ETV6: variants seen among roughly 807,000 people sequenced by gnomAD.
ETV6 encodes transcription factor ETV6.
Under a neutral mutation model 51.1 loss-of-function variants are expected in ETV6, and 16 were observed. The ratio of observed to expected loss-of-function variants is 0.31; its 90% CI spans 0.21 to 0.48. The LOEUF is 0.48. ETV6 is among the 20% of genes least tolerant of loss of function. The probability of loss-of-function intolerance (pLI) is 0.99; values close to 1 mark genes in which losing one functional copy is unlikely to be tolerated. For missense variants in ETV6, 458 were observed against 594.8 expected, an observed-to-expected ratio of 0.77 and a Z score of 2.39; for synonymous variants, 240 against 224.1, an observed-to-expected ratio of 1.07 and a Z score of -0.64.
At chr12:11,795,406 CCAG>C (rs2136393768) in intron 2 of ETV6, among the ~76,000 whole-genome samples, 1 of 152,354 alleles carries the variant, frequency 6.6e-6, no homozygotes, top group African/African-American at 2.4e-5. Context: ...GCAAAGAGCA[CCAG>C]CTGTTCTGGC....
intron 2 of ETV6, among the ~76,000 whole-genome samples, chr12:11,765,157 C>T (rs1392570786): frequency 1.3e-5 from 2 of 152,180 alleles, no homozygotes; most frequent in Non-Finnish European, 2.9e-5. Context: ...CTACCACAAC[C>T]CAAAACTTCA....
chr12:11,801,883 T>C (rs1945754693), intron 2 of ETV6, among the ~76,000 whole-genome samples: 1 of 152,212 alleles, frequency 6.6e-6, no homozygotes, highest in Admixed American at 6.5e-5. Context: ...AGAAGTAAGA[T>C]AACATCTTTG....
At chr12:11,701,229 C>T (rs978445283) in intron 1 of ETV6, among the ~76,000 whole-genome samples, 11 of 152,128 alleles carry the variant, frequency 7.2e-5, no homozygotes. Context: ...TCAGCGCTCT[C>T]CAGAACTTTT....
intron 4 of ETV6, among the ~76,000 whole-genome samples, chr12:11,865,252 A>G (rs1946775959): frequency 7.1e-6 from 1 of 141,124 alleles, no homozygotes; most frequent in Admixed American, 6.9e-5. Flanking sequence ...CTCCGTCTCA[A>G]AAAAAAAAAA....
At chr12:11,788,311 A>G (rs897668727) in intron 2 of ETV6, among the ~76,000 whole-genome samples, 1 of 152,126 alleles carries the variant, frequency 6.6e-6, no homozygotes, top group African/African-American at 2.4e-5. Context: ...CTAATATTTC[A>G]CCCACAAATT....
chr12:11,746,421 A>G, intron 1 of ETV6, among the ~76,000 whole-genome samples: 1 of 152,176 alleles, frequency 6.6e-6, no homozygotes, highest in South Asian at 2.1e-4. Flanking sequence ...GTGAGGCTGA[A>G]ATAAAATAAA....
At chr12:11,800,914 T>C (rs1945739106) in intron 2 of ETV6, among the ~76,000 whole-genome samples, 1 of 152,198 alleles carries the variant, frequency 6.6e-6, no homozygotes, top group South Asian at 2.1e-4. Flanking sequence ...CTGTCTCATA[T>C]TTTTAAAACA....
intron 1 of ETV6, among the ~76,000 whole-genome samples, chr12:11,726,192 G>T (rs946863380): frequency 3.9e-5 from 6 of 152,184 alleles, no homozygotes; most frequent in African/African-American, 1.4e-4. Flanking sequence ...CTTGGCTCAT[G>T]AGAATTCTTA....
intron 1 of ETV6, among the ~76,000 whole-genome samples, chr12:11,672,906 C>A (rs1325081358): frequency 6.6e-6 from 1 of 152,170 alleles, no homozygotes; most frequent in East Asian, 1.9e-4. Flanking sequence ...CTGTGGGAAA[C>A]CCTGAATTAG....
chr12:11,863,508 C>T (rs921498217), intron 4 of ETV6, among the ~76,000 whole-genome samples: 2 of 152,182 alleles, frequency 1.3e-5, no homozygotes, highest in Non-Finnish European at 2.9e-5. Flanking sequence ...TTATGTCTGG[C>T]TTTCCCTCCC....
chr12:11,695,705 C>A (rs1214980089), intron 1 of ETV6, among the ~76,000 whole-genome samples: 3 of 152,150 alleles, frequency 2.0e-5, no homozygotes, highest in Admixed American at 1.3e-4. Flanking sequence ...TTTGTGTTCT[C>A]CAGGCGCCTC....
intron 1 of ETV6, among the ~76,000 whole-genome samples, chr12:11,680,059 G>T (rs1864497866): frequency 6.6e-6 from 1 of 152,170 alleles, no homozygotes; most frequent in African/African-American, 2.4e-5. Context: ...GAGACATCCA[G>T]CTTGATAGTT....
intron 2 of ETV6, among the ~76,000 whole-genome samples, chr12:11,763,107 C>A (rs1945114310): frequency 6.6e-6 from 1 of 152,160 alleles, no homozygotes; most frequent in African/African-American, 2.4e-5. Context: ...TAGATATGAA[C>A]AAAGTCGGGG....
chr12:11,867,238 CT>C, intron 4 of ETV6, among the ~76,000 whole-genome samples: 1 of 152,286 alleles, frequency 6.6e-6, no homozygotes, highest in East Asian at 1.9e-4. Context: ...GAAATTGCCC[CT>C]TTCCTTGTTT....
Position 11,869,785 on chromosome 12 carries a change from C to T in ETV6, c.825C>T (p.His275=), listed in dbSNP as rs1297782661. 4.3e-6 allele frequency: 7 copies of T among 1,613,316 alleles called. No individual in the cohort carries two copies. Among genetic ancestry groups the T allele is most frequent in the Non-Finnish European group, 5.9e-6 (7 of 1,180,026 alleles). Residue 275 remains histidine, a synonymous_variant, in exon 5 of 8, where the codon CAC becomes CAT. Coordinates refer to ENST00000396373, the MANE Select transcript of ETV6 (RefSeq NM_001987.5). The surrounding 1 kb of genome is among the most constrained non-coding windows in gnomAD (Gnocchi z 5.0). ...VIQLMPSPIM[H]PLILNPRHSV... ...AGCTGATGCCCAGCCCCATCATGCACCCTCTGATCCTGAACCCCCGGCACT... is the reference window on the plus strand; with the variant it reads ...AGCTGATGCCCAGCCCCATCATGCATCCTCTGATCCTGAACCCCCGGCACT...
At chr12:11,825,830 T>C (rs1207500816) in intron 2 of ETV6, 1 of 150,220 alleles carries the variant, frequency 6.7e-6, no homozygotes, top group East Asian at 1.9e-4. Flanking sequence ...GTAGAAAGCA[T>C]GCCTTTTTTT....
At chr12:11,754,498 C>G (rs1187555242) in intron 2 of ETV6, among the ~76,000 whole-genome samples, 1 of 152,196 alleles carries the variant, frequency 6.6e-6, no homozygotes, top group Non-Finnish European at 1.5e-5. Context: ...AATAAGAAAG[C>G]AAACAAACAC....
intron 1 of ETV6, among the ~76,000 whole-genome samples, chr12:11,728,308 A>G (rs912065889): frequency 6.6e-6 from 1 of 152,060 alleles, no homozygotes; most frequent in African/African-American, 2.4e-5. Flanking sequence ...GGGGTCCCCA[A>G]CCCCCAGACC....
At chr12:11,883,586 C>T (rs867421630) in intron 5 of ETV6, among the ~76,000 whole-genome samples, 4 of 152,076 alleles carry the variant, frequency 2.6e-5, no homozygotes, top group African/African-American at 7.2e-5. Flanking sequence ...TGAGCCACCA[C>T]GCCCGGCCAT....
Sources: gnomAD v4.1 joint callset for allele counts (sites outside exome capture counted in the v4.1 genomes callset) on GRCh38, gnomAD v4.1.1 for gene constraint, Gnocchi (gnomAD v3.1) non-coding constraint, MANE v1.5 for transcripts, NCBI Gene and HGNC (gene_info 2026-07-23, HGNC 2026-07-21) for gene names.